Variants in DDHD1 observed in about 807,000 individuals in gnomAD.
The protein encoded by DDHD1 is phospholipase DDHD1.
DDHD1 carries 49 observed loss-of-function variants against 96.4 expected under a neutral mutation model. That is an observed-to-expected ratio of 0.51 (90% CI 0.40 to 0.64). The LOEUF (loss-of-function observed/expected upper bound fraction) is 0.64, where lower values mean the gene tolerates loss of function less well. DDHD1 is among the 30% of genes least tolerant of loss of function. DDHD1 has a pLI of 0.00. For synonymous variants in DDHD1, 442 were observed against 446.5 expected (o/e 0.99, Z 0.13); for missense variants, 1,106 against 1,161.2 (o/e 0.95, Z 0.69).
At chr14:53,152,144 C>CGTATCATTAAA in intron 1 of DDHD1, 117 bp downstream of exon 1, 178 of 1,076,838 alleles carry the variant, frequency 1.7e-4, no homozygotes, top group Admixed American at 9.6e-4. Context: ...CTGCCCCAGC[C>CGTATCATTAAA]AAACGCCAGG....
chr14:53,104,974 ATT>A, intron 1 of DDHD1, among the ~76,000 whole-genome samples: 1 of 152,172 alleles, frequency 6.6e-6, no homozygotes, highest in East Asian at 1.9e-4. Flanking sequence ...CAATAACCAT[ATT>A]GTTAGTAATA....
In DDHD1 at chr14:53,054,447, C is replaced by T. The variant is rs1159423727; in HGVS notation, c.2428G>A (p.Asp810Asn). The change falls in exon 11 of 13, where the codon GAT becomes AAT. Residue 810 changes from aspartate to asparagine, a missense_variant. Physicochemically the swap from Asp to Asn is conservative, Grantham distance 23. Around this residue, in one of 2 missense-constraint regions of DDHD1, gnomAD observed 650 missense variants for 758.8 expected, o/e 0.86. Coordinates refer to ENST00000673822, the MANE Select transcript of DDHD1 (RefSeq NM_001160148.2). ...TAATGTATGAACTAACATGCAGAAT[C>T]GAGGAAGCCAGAACTGCTATGTGGA... ...TLPHSSSGFL[D>N]SAYFRLQESF... 7 of 1,613,216 alleles carry T rather than the reference C, an allele frequency of 4.3e-6. No homozygotes were observed. In the Admixed American group the frequency reaches 5.0e-5, roughly 12 times the overall value.
chr14:53,149,954 G>A (rs943987692), intron 1 of DDHD1: 2 of 152,176 alleles, frequency 1.3e-5, no homozygotes, highest in Non-Finnish European at 2.9e-5. Flanking sequence ...GCAGGATAAA[G>A]GCCAAACTCC....
Position 53,054,596 on chromosome 14 carries a change from A to T in DDHD1, c.2279T>A (p.Met760Lys). The T allele has an allele frequency of 6.2e-7, 1 of 1,614,078 alleles. No individual in the cohort carries two copies. The highest frequency in any genetic ancestry group is 8.5e-7 in the Non-Finnish European group (1 of 1,179,966). ...TGAACGTCCAAATCTTGAGAACAAC[A>T]TTCCTCCAAGTCCCTTTCCAATGCT... ...AASIGKGLGG[M>K]LFSRFGRSST... The change falls in exon 11 of 13, where the codon ATG (methionine) becomes AAG (lysine). Residue 760 changes from methionine (M) to lysine (K), a missense_variant. Met to Lys is a moderately conservative substitution (Grantham distance 95, BLOSUM62 -1). Coordinates refer to ENST00000673822, the MANE Select transcript of DDHD1 (RefSeq NM_001160148.2).
intron 1 of DDHD1, among the ~76,000 whole-genome samples, chr14:53,105,649 C>A (rs937650756): frequency 6.6e-6 from 1 of 152,024 alleles, no homozygotes; most frequent in Non-Finnish European, 1.5e-5. Flanking sequence ...CATATACATT[C>A]CTTTATTTTT....
chr14:53,046,592 T>C lies in DDHD1; in HGVS notation c.*176A>G. The C allele has an allele frequency of 2.4e-6, 1 of 414,422 alleles. No individual in the cohort carries two copies. 25.7% of individuals were successfully genotyped at this position (414,422 alleles called of 1,614,324 possible). Reference sequence around the variant, plus strand: ...AAAATGATGCAAACTGTAAATGACTTCTTCAGAACTGAAAACTTCTTTTTT... The same window carrying C: ...AAAATGATGCAAACTGTAAATGACTCCTTCAGAACTGAAAACTTCTTTTTT... On this transcript the variant is annotated 3_prime_UTR_variant, in exon 13 of 13. Transcript: ENST00000673822.
intron 1 of DDHD1, among the ~76,000 whole-genome samples, chr14:53,128,743 A>G (rs879242022): frequency 6.6e-6 from 1 of 152,160 alleles, no homozygotes; most frequent in East Asian, 1.9e-4. Context: ...ATAACTGCAT[A>G]ATGTCAGGCC....
chr14:53,054,221 T>A, intron 11 of DDHD1: 1 of 469,610 alleles, frequency 2.1e-6, no homozygotes, highest in Non-Finnish European at 3.8e-6. Flanking sequence ...TAATTACTAA[T>A]ATTCTATTAA....
chr14:53,055,820 A>G lies in DDHD1; in HGVS notation c.2085T>C (p.Tyr695=), dbSNP rs1339544775. ...HWYNTSNPLP[Y]EHMKPSFLNP... The stretch of plus-strand genomic sequence containing the variant: ...TGAGAAAGCTTGGCTTCATATGTTC[A>G]TAAGGTAAAGGATTTGAAGTATTGT... The change falls in exon 10 of 13, where the codon TAT becomes TAC. Residue 695 remains tyrosine (Y), a synonymous_variant. Coordinates refer to ENST00000673822, the MANE Select transcript of DDHD1 (RefSeq NM_001160148.2). 1 of 1,614,110 alleles carries G rather than the reference A, an allele frequency of 6.2e-7. No individual in the cohort carries two copies. Among genetic ancestry groups the G allele is most frequent in the Non-Finnish European group, 8.5e-7 (1 of 1,179,990 alleles).
Position 53,152,723 on chromosome 14 carries a change from C to T in DDHD1, c.376G>A (p.Val126Ile), listed in dbSNP as rs1473056962. The stretch of plus-strand genomic sequence containing the variant: ...CCGCCGCCCCCCGAGTTCGTCGGGA[C>T]CAGCGGAGGCTGCTGCGGCGGGTGC... Reference protein sequence around the residue: ...SLHPPQQPPLVPTNSGGGGAT... With the variant: ...SLHPPQQPPLIPTNSGGGGAT... The change falls in exon 1 of 13, where the codon GTC becomes ATC. Residue 126 changes from valine (V) to isoleucine (I), a missense_variant. Physicochemically the swap from Val to Ile is conservative, Grantham distance 29 (BLOSUM62 3). Coordinates refer to ENST00000673822, the MANE Select transcript of DDHD1 (RefSeq NM_001160148.2). 2 of 1,604,832 alleles carry T rather than the reference C, an allele frequency of 1.2e-6. No homozygotes were observed. The highest frequency in any genetic ancestry group is 2.2e-5 in the East Asian group (1 of 44,528).
intron 6 of DDHD1, among the ~76,000 whole-genome samples, chr14:53,068,123 T>C (rs1277252335): frequency 6.6e-6 from 1 of 152,190 alleles, no homozygotes; most frequent in Non-Finnish European, 1.5e-5. Context: ...ATATCTTTTA[T>C]TGCAGTTTCC....
rs1292559919 is a variant in DDHD1 at position 53,043,388 on chromosome 14, A to T, written c.*3380T>A. ...CATACAAAAGAGCAGTTATTAGAAC[A>T]TCCAGTGTGTGTGTGTGTGTGTGTG... On this transcript the variant is annotated 3_prime_UTR_variant, in exon 13 of 13. Transcript: ENST00000673822. The T allele has an allele frequency of 9.5e-6, 1 of 105,560 alleles. No individual in the cohort carries two copies. Among genetic ancestry groups the T allele is most frequent in the Non-Finnish European group, 1.9e-5 (1 of 52,418 alleles). The allele number at this position is 105,560 out of a possible 1,614,324, so 6.5% of individuals were successfully genotyped here.
In DDHD1 at chr14:53,054,433, C is replaced by T. The variant is rs367703472; in HGVS notation, c.2437+5G>A. Reference sequence around the variant, plus strand: ...TCAACTTAAGGAAATAATGTATGAACTAACATGCAGAATCGAGGAAGCCAG... The same window carrying T: ...TCAACTTAAGGAAATAATGTATGAATTAACATGCAGAATCGAGGAAGCCAG... On this transcript the variant is annotated splice_donor_5th_base_variant and intron_variant, in intron 11 of 12. Transcript: ENST00000673822. 2 of 1,611,854 alleles carry T rather than the reference C, an allele frequency of 1.2e-6. No homozygotes were observed. Among genetic ancestry groups the T allele is most frequent in the African/African-American group, 1.3e-5 (1 of 74,996 alleles).
intron 2 of DDHD1, among the ~76,000 whole-genome samples, chr14:53,095,793 A>G (rs1399414255): frequency 6.6e-6 from 1 of 152,192 alleles, no homozygotes; most frequent in African/African-American, 2.4e-5. Context: ...TTGTTAAAAT[A>G]GTTGTGAGCA....
intron 2 of DDHD1, among the ~76,000 whole-genome samples, chr14:53,099,344 A>C (rs542377912): frequency 2.4e-4 from 37 of 152,308 alleles, no homozygotes; most frequent in African/African-American, 8.7e-4. Flanking sequence ...TTTTTCCACT[A>C]GTATCTTTTT....
At chr14:53,093,234 G>T in intron 3 of DDHD1, 82 bp downstream of exon 3, 1 of 1,409,726 alleles carries the variant, frequency 7.1e-7, no homozygotes, top group Non-Finnish European at 9.5e-7. Context: ...ACTAAAAACA[G>T]AATATGAATT....
Position 53,041,835 on chromosome 14 carries a change from G to A in DDHD1, c.*4933C>T, listed in dbSNP as rs1224269442. ...GCCTACGGCCATGTGTCAGATTAAA[G>A]CTTGCTGATGCTTTAATCTGAGCTT... On this transcript the variant is annotated 3_prime_UTR_variant, in exon 13 of 13. Coordinates refer to ENST00000673822, the MANE Select transcript of DDHD1 (RefSeq NM_001160148.2). 6.6e-6 allele frequency: 1 copy of A among 152,142 alleles called. No homozygotes were observed. Among genetic ancestry groups the A allele is most frequent in the African/African-American group, 2.4e-5 (1 of 41,426 alleles). 9.4% of individuals were successfully genotyped at this position (152,142 alleles called of 1,614,324 possible).
At chr14:53,075,433 A>G (rs938968400) in intron 4 of DDHD1, among the ~76,000 whole-genome samples, 1 of 152,154 alleles carries the variant, frequency 6.6e-6, no homozygotes, top group Non-Finnish European at 1.5e-5. Context: ...GCAAGCCTTA[A>G]CTCTTTTCAA....
At chr14:53,091,673 T>C (rs1209243993) in intron 4 of DDHD1, 112 bp downstream of exon 4, 33 of 1,152,450 alleles carry the variant, frequency 2.9e-5, no homozygotes, top group Non-Finnish European at 3.6e-5. Context: ...ATTAGAATAG[T>C]TGGCACTGGA....
Sources: gnomAD v4.1 joint callset for allele counts (sites outside exome capture counted in the v4.1 genomes callset) on GRCh38, gnomAD v4.1.1 for gene constraint, gnomAD v4.1.1 regional missense constraint, MANE v1.5 for transcripts, NCBI Gene and HGNC (gene_info 2026-07-23, HGNC 2026-07-21) for gene names.